Variants in PTBP3 observed in about 807,000 individuals in gnomAD.
PTBP3 encodes the protein polypyrimidine tract-binding protein 3.
A neutral mutation model predicts 58.7 loss-of-function variants in PTBP3; 20 were observed. The observed-to-expected ratio is 0.34, with a 90% CI of 0.24 to 0.50. PTBP3 has a LOEUF of 0.50. Ranked by LOEUF, PTBP3 falls within the 20% of genes least tolerant of loss-of-function variation. PTBP3 has a pLI of 0.98. For synonymous variants in PTBP3, 185 were observed against 219.8 expected, an observed-to-expected ratio of 0.84 and a Z score of 1.40; for missense variants, 509 against 637.2, an observed-to-expected ratio of 0.80 and a Z score of 2.17.
chr9:112,340,363 A>G, the PTBP3 span, among the ~76,000 whole-genome samples: 4 of 152,106 alleles, frequency 2.6e-5, no homozygotes, highest in East Asian at 1.9e-4. Context: ...ATTCTATTAC[A>G]TATTTTTCTT....
the PTBP3 span, chr9:112,363,170 T>C: frequency 6.5e-6 from 1 of 153,230 alleles, no homozygotes; most frequent in Non-Finnish European, 1.5e-5. Flanking sequence ...CTGTGAAAAA[T>C]TAATTTTCAT....
At chr9:112,344,990 G>A in the PTBP3 span, among the ~76,000 whole-genome samples, 54,508 of 151,340 alleles carry the variant, frequency 0.36, 9,954 homozygotes, top group South Asian at 0.44. Context: ...AAAATTAGCC[G>A]GGTGTGGTGT....
chr9:112,368,754 T>C, the PTBP3 span, among the ~76,000 whole-genome samples: 1 of 152,188 alleles, frequency 6.6e-6, no homozygotes, highest in Non-Finnish European at 1.5e-5. Flanking sequence ...TTAGCCAATT[T>C]GCATAAGTAA....
chr9:112,364,199 T>A, the PTBP3 span, among the ~76,000 whole-genome samples: 1 of 146,464 alleles, frequency 6.8e-6, no homozygotes, highest in South Asian at 2.2e-4. Flanking sequence ...TTTTTTTTTT[T>A]TTTTTTTGAG....
chr9:112,331,037 C>T (rs1413224159), intron 1 of PTBP3, among the ~76,000 whole-genome samples: 2 of 150,464 alleles, frequency 1.3e-5, no homozygotes, highest in African/African-American at 2.4e-5. Flanking sequence ...TATTCTATCA[C>T]GTCAAAACTG....
chr9:112,318,178 T>C (rs4568670), intron 1 of PTBP3, among the ~76,000 whole-genome samples: 127,864 of 152,132 alleles, frequency 0.84, 54,029 homozygotes, highest in African/African-American at 0.92. Context: ...AAGGCAAAGA[T>C]ACATAGAAGT....
chr9:112,287,571 C>T (rs1185042309), intron 2 of PTBP3, among the ~76,000 whole-genome samples: 1 of 151,720 alleles, frequency 6.6e-6, no homozygotes, highest in East Asian at 1.9e-4. Flanking sequence ...AAACTCCTGA[C>T]CTCAGGTGAT....
chr9:112,273,320 AT>A (rs1430636866), intron 3 of PTBP3, among the ~76,000 whole-genome samples: 1 of 152,204 alleles, frequency 6.6e-6, no homozygotes, highest in African/African-American at 2.4e-5. Context: ...TCAGTAATAT[AT>A]TTTTTCTAAT....
intron 12 of PTBP3, among the ~76,000 whole-genome samples, chr9:112,225,331 T>TACCG (rs1834940427): frequency 6.6e-6 from 1 of 151,442 alleles, no homozygotes; most frequent in African/African-American, 2.4e-5. Context: ...ACAATGAAAA[T>TACCG]ACCTTACTTC....
At chr9:112,295,966 A>G (rs1172014093) in intron 2 of PTBP3, among the ~76,000 whole-genome samples, 1 of 152,242 alleles carries the variant, frequency 6.6e-6, no homozygotes, top group Non-Finnish European at 1.5e-5. Context: ...AGCCCAGGAC[A>G]GCTTTGAATG....
the PTBP3 span, among the ~76,000 whole-genome samples, chr9:112,338,965 G>A: frequency 6.6e-6 from 1 of 152,134 alleles, no homozygotes; most frequent in African/African-American, 2.4e-5. Context: ...GCTTTCTGGA[G>A]CACTTTTCTG....
chr9:112,271,590 G>C (rs1280281671), intron 3 of PTBP3, among the ~76,000 whole-genome samples: 1 of 152,038 alleles, frequency 6.6e-6, no homozygotes, highest in Non-Finnish European at 1.5e-5. Flanking sequence ...GCCAGGTGTG[G>C]TGGCAGGTGC....
At chr9:112,234,780 T>C in intron 8 of PTBP3, 40 bp downstream of exon 8, 2 of 1,543,532 alleles carry the variant, frequency 1.3e-6, no homozygotes, top group South Asian at 1.1e-5. Flanking sequence ...AATATACAAC[T>C]TCATTAAAAG....
At chr9:112,293,963 T>A (rs1828557742) in intron 2 of PTBP3, among the ~76,000 whole-genome samples, 1 of 152,218 alleles carries the variant, frequency 6.6e-6, no homozygotes, top group African/African-American at 2.4e-5. Context: ...AGGTCTGTAT[T>A]ACGGTTCTAT....
chr9:112,235,271 T>C (rs1835396476), intron 7 of PTBP3, among the ~76,000 whole-genome samples: 1 of 152,286 alleles, frequency 6.6e-6, no homozygotes, highest in Middle Eastern at 3.4e-3. Flanking sequence ...TCCTTGCCTT[T>C]GAGAGGCTTA....
At position 112,324,662 on chromosome 9, in the gene PTBP3, A is replaced by C. The variant is rs28571925; in HGVS notation, c.-52+8808T>G. Among the ~76,000 whole-genome samples, 3 of 123,942 alleles carry C rather than the reference A, an allele frequency of 2.4e-5. No homozygotes were observed. In the Admixed American group the frequency reaches 2.5e-4, roughly 10 times the overall value. 81.3% of individuals were successfully genotyped at this position (123,942 alleles called of 152,430 possible). On this transcript the variant is annotated intron_variant, in intron 1 of 13. Transcript: ENST00000374257. ...GAGACTACCTCTTTTTTTTTTTTTT[A>C]AAAAAAAACAACTTTAAAAGAATAG...
At chr9:112,229,799 T>C (rs10759537) in intron 10 of PTBP3, among the ~76,000 whole-genome samples, 98,607 of 152,074 alleles carry the variant, frequency 0.65, 33,133 homozygotes, top group African/African-American at 0.83. Flanking sequence ...TCAAACAATC[T>C]GATCCTCCTG....
intron 5 of PTBP3, 30 bp from the exon 6 acceptor site, chr9:112,252,818 TAAAAG>T (rs758161012): frequency 1.2e-5 from 16 of 1,291,004 alleles, no homozygotes; most frequent in African/African-American, 2.9e-5. Flanking sequence ...AGGTTAAATG[TAAAAG>T]AAAAGTATTA....
rs10660630 is a variant in PTBP3, at chr9:112,329,845, CT to C, written c.-52+3624del. Among the ~76,000 whole-genome samples, 24 of 131,966 alleles carry C rather than the reference CT, an allele frequency of 1.8e-4. No homozygotes were observed. In the East Asian group the frequency reaches 2.4e-3, roughly 13 times the overall value. 86.6% of individuals were successfully genotyped at this position (131,966 alleles called of 152,430 possible). A position where few individuals can be genotyped will look rare whatever the true frequency, so the allele number is the denominator to read the frequency against. On this transcript the variant is annotated intron_variant, in intron 1 of 13. Transcript: ENST00000374257. ...AAGATAAATCAGAGCCTAGGCTACA[CT>C]TTTTTTTTTTTTTTTCTGAGACAGT...
Sources: allele counts gnomAD v4.1 joint callset (sites outside exome capture counted in the v4.1 genomes callset), GRCh38; gene constraint gnomAD v4.1.1; transcripts MANE v1.5; gene names NCBI Gene and HGNC (gene_info 2026-07-23, HGNC 2026-07-21).